The following DPH5 variants were observed in gnomAD, a reference collection of about 807,000 sequenced individuals.
DPH5 encodes diphthine methyl ester synthase.
In DPH5, 31 loss-of-function variants were observed where a neutral mutation model predicts 31.6. The observed-to-expected ratio is 0.98, with a 90% CI of 0.74 to 1.32. The LOEUF is 1.32. Ranked by LOEUF, DPH5 falls within the 40% of genes most tolerant of loss-of-function variation. The pLI is 0.00. For synonymous variants in DPH5, 120 were observed against 115.0 expected, an observed-to-expected ratio of 1.04 and a Z score of -0.28; for missense variants, 309 against 335.7, an observed-to-expected ratio of 0.92 and a Z score of 0.62.
At chr1:101,000,060 T>A (rs1160396697) in intron 5 of DPH5, among the ~76,000 whole-genome samples, 2 of 151,542 alleles carry the variant, frequency 1.3e-5, no homozygotes, top group Non-Finnish European at 2.9e-5. Flanking sequence ...GGCAGGAGAA[T>A]TGCCTGAATC....
intron 4 of DPH5, among the ~76,000 whole-genome samples, chr1:101,012,838 A>G (rs1206540971): frequency 1.3e-5 from 2 of 152,264 alleles, no homozygotes; most frequent in Non-Finnish European, 2.9e-5. Flanking sequence ...AAATTGAACT[A>G]TTCTCTCCAA....
intron 4 of DPH5, among the ~76,000 whole-genome samples, chr1:101,004,193 G>C (rs1244390114): frequency 1.3e-5 from 2 of 152,168 alleles, no homozygotes; most frequent in Non-Finnish European, 2.9e-5. Context: ...TGTAGCTGTG[G>C]TGCAAACTTC....
At chr1:101,020,027 T>C (rs1195210072) in intron 3 of DPH5, among the ~76,000 whole-genome samples, 1 of 152,212 alleles carries the variant, frequency 6.6e-6, no homozygotes, top group Non-Finnish European at 1.5e-5. Flanking sequence ...GGTTTTAGCA[T>C]AGCGGTTAAA....
At chr1:100,992,503 A>G in intron 7 of DPH5, 134 bp downstream of exon 7, 2 of 584,972 alleles carry the variant, frequency 3.4e-6, no homozygotes, top group Non-Finnish European at 5.5e-6. Context: ...AAAGTTGGAC[A>G]AAAATGACAA....
rs1658956552 is a variant in DPH5 at position 101,002,623 on chromosome 1, T to G, written c.370-1036A>C. On this transcript the variant is annotated intron_variant, in intron 4 of 7. Coordinates refer to ENST00000370109, the MANE Select transcript of DPH5 (RefSeq NM_015958.3). ...AAATAGTACTTGAAATAATTTATAA[T>G]AGAACTGGTAAGCACTAGACTCACA... Among the ~76,000 whole-genome samples the G allele has an allele frequency of 2.6e-5, 4 of 152,220 alleles. No homozygotes were observed. In the South Asian group the frequency reaches 8.3e-4, roughly 32 times the overall value.
intron 6 of DPH5, among the ~76,000 whole-genome samples, chr1:100,994,881 T>C (rs1183966279): frequency 4.6e-5 from 7 of 152,142 alleles, no homozygotes; most frequent in Non-Finnish European, 2.9e-5. Context: ...AAACACTGAG[T>C]GTCTGTTAGA....
At chr1:101,014,656 T>C (rs1181285880) in intron 3 of DPH5, among the ~76,000 whole-genome samples, 1 of 152,212 alleles carries the variant, frequency 6.6e-6, no homozygotes, top group African/African-American at 2.4e-5. Flanking sequence ...GCTGCATTGA[T>C]TGACTTTTCC....
chr1:101,021,877 T>G, intron 2 of DPH5, 112 bp from the exon 3 acceptor site: 1 of 1,150,252 alleles, frequency 8.7e-7, no homozygotes, highest in Non-Finnish European at 1.2e-6. Context: ...TTGGGACTGG[T>G]GCATATGTTG....
At chr1:101,013,628 T>TA in intron 4 of DPH5, 82 bp downstream of exon 4, 1 of 975,798 alleles carries the variant, frequency 1.0e-6, no homozygotes, top group Non-Finnish European at 1.5e-6. Context: ...ATTCATAAAA[T>TA]ACAATTAAAT....
rs375425730 is a variant in DPH5, at chr1:100,990,661, A to G, written c.635-30T>C. ...TAAAAAAAAAAGATACTGCTATTCA[A>G]TTCAGCAAATGCATCATCCATCCAA... On this transcript the variant is annotated intron_variant, in intron 7 of 7. Transcript: ENST00000370109. The G allele has an allele frequency of 7.3e-5, 117 of 1,596,152 alleles. 1 individual carries two copies. The highest frequency in any genetic ancestry group is 5.0e-4 in the Middle Eastern group (3 of 6,024).
intron 4 of DPH5, among the ~76,000 whole-genome samples, chr1:101,007,719 GAAAAAAAC>G (rs1011968362): frequency 1.1e-4 from 14 of 132,962 alleles, no homozygotes; most frequent in African/African-American, 3.1e-4. Context: ...CGTCCCCCCC[GAAAAAAAC>G]AAAAAAACAG....
chr1:101,005,056 AC>A (rs1659134055), intron 4 of DPH5, among the ~76,000 whole-genome samples: 1 of 152,202 alleles, frequency 6.6e-6, no homozygotes, highest in South Asian at 2.1e-4. Context: ...CCTCAATATC[AC>A]TTGCCTGAAT....
In DPH5 at chr1:101,025,771, C is replaced by G. The variant is rs565958255; in HGVS notation, c.-112G>C. On this transcript the variant is annotated 5_prime_UTR_variant, in exon 1 of 8. Transcript: ENST00000370109. ...GAAGCAACTGCAAAAGCGCCGGCTC[C>G]GTGCAGAGAAAAGGCCCACGCCGCC... is the stretch of plus-strand genomic sequence containing the variant. The G allele has an allele frequency of 4.1e-4, 111 of 272,126 alleles. 1 individual carries two copies. The highest frequency in any genetic ancestry group is 2.3e-3 in the African/African-American group (105 of 44,752). The allele number at this position is 272,126 out of a possible 1,614,324, so 16.9% of individuals were successfully genotyped here. A position where few individuals can be genotyped will look rare whatever the true frequency, so the allele number is the denominator to read the frequency against.
chr1:101,001,227 G>A (rs1241675785), intron 5 of DPH5, among the ~76,000 whole-genome samples: 1 of 152,194 alleles, frequency 6.6e-6, no homozygotes, highest in Non-Finnish European at 1.5e-5. Flanking sequence ...GATCTACTAG[G>A]GCAGGGCATA....
intron 6 of DPH5, 102 bp downstream of exon 6, chr1:100,995,008 C>T: frequency 2.6e-6 from 2 of 784,258 alleles, no homozygotes; most frequent in Non-Finnish European, 4.3e-6. Context: ...TTAATGAGAG[C>T]TCATTTTCAA....
Position 101,013,784 on chromosome 1 carries a change from T to C in DPH5, c.295A>G (p.Thr99Ala). 1.9e-6 allele frequency: 3 copies of C among 1,613,392 alleles called. No homozygotes were observed. The highest frequency in any genetic ancestry group is 2.2e-5 in the East Asian group (1 of 44,860). ...TTHSDLVLRA[T>A]KLGIPYRVIH... ...ACTCTATAAGGAATTCCCAGCTTTG[T>C]TGCTCTTAGAACAAGATCACTGTGT... The change falls in exon 4 of 8, where the codon ACA becomes GCA. Residue 99 changes from threonine to alanine, a missense_variant. Physicochemically the swap from Thr to Ala is moderately conservative, Grantham distance 58. Transcript: ENST00000370109.
At chr1:100,998,095 G>A (rs1365911477) in intron 5 of DPH5, among the ~76,000 whole-genome samples, 1 of 152,082 alleles carries the variant, frequency 6.6e-6, no homozygotes. Flanking sequence ...AATCACACTG[G>A]CAATAAACTA....
intron 3 of DPH5, among the ~76,000 whole-genome samples, chr1:101,015,981 C>T (rs1214161473): frequency 6.6e-6 from 1 of 152,112 alleles, no homozygotes; most frequent in Non-Finnish European, 1.5e-5. Context: ...AACACTAAAA[C>T]GTTCTCCCTA....
intron 4 of DPH5, among the ~76,000 whole-genome samples, chr1:101,012,926 T>G (rs1659806516): frequency 6.6e-6 from 1 of 152,214 alleles, no homozygotes; most frequent in South Asian, 2.1e-4. Context: ...CTTGAAAATA[T>G]CTATTTTTAA....
Sources: gnomAD v4.1 joint callset for allele counts (sites outside exome capture counted in the v4.1 genomes callset) on GRCh38, gnomAD v4.1.1 for gene constraint, MANE v1.5 for transcripts, NCBI Gene and HGNC (gene_info 2026-07-23, HGNC 2026-07-21) for gene names.